Variants in ADAMTSL1 observed in about 807,000 individuals in gnomAD.
ADAMTSL1 encodes the protein ADAMTS like 1.
A neutral mutation model predicts 201.8 loss-of-function variants in ADAMTSL1; 126 were observed. That is an observed-to-expected ratio of 0.62 (90% confidence interval 0.54 to 0.72). ADAMTSL1 has a LOEUF of 0.72. Among genes scored for constraint, ADAMTSL1 ranks in the 30% least tolerant of loss-of-function variants. The probability of loss-of-function intolerance (pLI) is 0.00; values close to 1 mark genes in which losing one functional copy is unlikely to be tolerated. For missense variants in ADAMTSL1, 2,679 were observed against 2,277.8 expected (o/e 1.18, Z -3.59); for synonymous variants, 1,121 against 903.4 (o/e 1.24, Z -4.32).
chr9:18,271,165 G>T (rs1832345907), intron 2 of ADAMTSL1, among the ~76,000 whole-genome samples: 1 of 152,140 alleles, frequency 6.6e-6, no homozygotes, highest in Non-Finnish European at 1.5e-5. Flanking sequence ...AAGGTATTAT[G>T]AAATCAGATT....
intron 1 of ADAMTSL1, among the ~76,000 whole-genome samples, chr9:18,017,348 AG>A (rs1170751084): frequency 6.6e-6 from 1 of 151,944 alleles, no homozygotes; most frequent in Non-Finnish European, 1.5e-5. Flanking sequence ...TAAATCCAGC[AG>A]GGGGAGTATC....
At chr9:18,204,109 A>G (rs998935244) in intron 2 of ADAMTSL1, among the ~76,000 whole-genome samples, 5 of 152,276 alleles carry the variant, frequency 3.3e-5, no homozygotes, top group Admixed American at 6.5e-5. Context: ...ACTGTGGGCT[A>G]GCTGCTCTTT....
At chr9:18,592,088 T>G (rs970546623) in intron 4 of ADAMTSL1, among the ~76,000 whole-genome samples, 1 of 152,210 alleles carries the variant, frequency 6.6e-6, no homozygotes, top group Non-Finnish European at 1.5e-5. Context: ...ATTGATTTGC[T>G]AAGCATACTT....
intron 2 of ADAMTSL1, among the ~76,000 whole-genome samples, chr9:18,419,072 G>C (rs1818822486): frequency 6.6e-6 from 1 of 152,152 alleles, no homozygotes; most frequent in Non-Finnish European, 1.5e-5. Context: ...AAGTTGCGTA[G>C]CAACTCAATT....
chr9:18,603,396 CTA>C (rs1824795867), intron 4 of ADAMTSL1, among the ~76,000 whole-genome samples: 2 of 151,830 alleles, frequency 1.3e-5, no homozygotes, highest in Non-Finnish European at 2.9e-5. Context: ...CTATGCTATG[CTA>C]TGCTATGCTA....
chr9:18,287,243 C>G (rs1334661581), intron 2 of ADAMTSL1, among the ~76,000 whole-genome samples: 1 of 152,068 alleles, frequency 6.6e-6, no homozygotes, highest in Admixed American at 6.6e-5. Context: ...TGTTTTGGCT[C>G]TCATTCCATT....
Position 18,758,770 on chromosome 9 carries a change from G to A in ADAMTSL1, c.2217+5262G>A, listed in dbSNP as rs76898763. On this transcript the variant is annotated intron_variant, in intron 16 of 28. Transcript: ENST00000380548. Reference sequence around the variant, plus strand: ...TATGCACAGGGTAATGTGTTCACAAGTACCGGGGATTGAGATGAAGATATC... The same window carrying A: ...TATGCACAGGGTAATGTGTTCACAAATACCGGGGATTGAGATGAAGATATC... 1.3e-3 allele frequency among the ~76,000 whole-genome samples: 203 copies of A among 152,238 alleles called. 9 individuals are homozygous for A. In the East Asian group the frequency reaches 0.031, roughly 23 times the overall value.
intron 1 of ADAMTSL1, among the ~76,000 whole-genome samples, chr9:18,040,921 A>G (rs1335073915): frequency 6.6e-6 from 1 of 152,228 alleles, no homozygotes; most frequent in African/African-American, 2.4e-5. Context: ...AATTTTAAAT[A>G]AACTCATTTG....
chr9:18,370,286 A>G (rs1836985009), intron 2 of ADAMTSL1, among the ~76,000 whole-genome samples: 1 of 152,048 alleles, frequency 6.6e-6, no homozygotes, highest in African/African-American at 2.4e-5. Context: ...ATCTCAAAAA[A>G]AAAAAAAGAG....
At chr9:18,506,021 T>C (rs1564004013) in intron 2 of ADAMTSL1, among the ~76,000 whole-genome samples, 1 of 152,228 alleles carries the variant, frequency 6.6e-6, no homozygotes, top group African/African-American at 2.4e-5. Context: ...GAGGTCTCAC[T>C]GGAAATGTTA....
intron 1 of ADAMTSL1, among the ~76,000 whole-genome samples, chr9:18,145,710 A>G (rs951507846): frequency 3.9e-5 from 6 of 152,226 alleles, no homozygotes; most frequent in Non-Finnish European, 4.4e-5. Context: ...AGATGTTAAT[A>G]TAATACCAAA....
In ADAMTSL1 at chr9:18,900,293, T is replaced by C. The variant is rs561602434; in HGVS notation, c.4852-5489T>C. ...AGTCAAGAAACAGATGCTGGTGAGGTTGCAGAGAAAAAGGAACACTTTCAC... is the reference window on the plus strand; with the variant it reads ...AGTCAAGAAACAGATGCTGGTGAGGCTGCAGAGAAAAAGGAACACTTTCAC... On this transcript the variant is annotated intron_variant, in intron 26 of 28. Coordinates refer to ENST00000380548, the MANE Select transcript of ADAMTSL1 (RefSeq NM_001040272.6). 6.7e-3 allele frequency among the ~76,000 whole-genome samples: 1,015 copies of C among 152,194 alleles called. 5 individuals carry two copies. Among genetic ancestry groups the C allele is most frequent in the Middle Eastern group, 0.021 (6 of 292 alleles).
chr9:17,952,430 T>G (rs1001410059), intron 1 of ADAMTSL1, among the ~76,000 whole-genome samples: 1 of 152,154 alleles, frequency 6.6e-6, no homozygotes, highest in Non-Finnish European at 1.5e-5. Context: ...GAAAATTTAG[T>G]TATTCCAAGA....
In ADAMTSL1 at chr9:18,777,307, C is replaced by T. The variant is rs756810849; in HGVS notation, c.3078C>T (p.Ser1026=). ...GGAGCCGCTACGACGACCTCGTCTC[C>T]CGGCTGCTGGAGCAGGGCGGCTGGC... The part of the protein sequence containing the change: ...NPGSRYDDLV[S]RLLEQGGWPG... The change falls in exon 19 of 29, where the codon TCC becomes TCT. Residue 1026 remains serine, a synonymous_variant. Coordinates refer to ENST00000380548, the MANE Select transcript of ADAMTSL1 (RefSeq NM_001040272.6). The T allele has an allele frequency of 1.2e-5, 20 of 1,603,788 alleles. No homozygotes were observed. The highest frequency in any genetic ancestry group is 1.5e-5 in the Non-Finnish European group (18 of 1,175,322).
intron 2 of ADAMTSL1, among the ~76,000 whole-genome samples, chr9:18,343,118 G>A (rs190354017): frequency 6.6e-6 from 1 of 151,996 alleles, no homozygotes; most frequent in African/African-American, 2.4e-5. Context: ...TTGAGGCCAG[G>A]AGTTTTAGAC....
At position 18,504,875 on chromosome 9, in the gene ADAMTSL1, A is replaced by C. The variant is rs370239851; in HGVS notation, c.110A>C (p.Asp37Ala). 100 of 1,613,680 alleles carry C rather than the reference A, an allele frequency of 6.2e-5. No homozygotes were observed. The highest frequency in any genetic ancestry group is 8.2e-5 in the Non-Finnish European group (97 of 1,179,934). Residue 37 changes from aspartate to alanine, a missense_variant, in exon 2 of 29, where the codon GAT becomes GCT. Transcript: ENST00000380548. ...RSEEDRDGLW[D>A]AWGPWSECSR... is the part of the protein sequence containing the mutation. ...GAGGAGGACCGGGACGGCCTATGGG[A>C]TGCCTGGGGCCCATGGAGTGAATGC...
chr9:18,748,440 T>C (rs1232574203), intron 15 of ADAMTSL1, among the ~76,000 whole-genome samples: 1 of 152,172 alleles, frequency 6.6e-6, no homozygotes, highest in Non-Finnish European at 1.5e-5. Context: ...AAAAACACCA[T>C]AATCCAACAA....
intron 1 of ADAMTSL1, among the ~76,000 whole-genome samples, chr9:17,967,569 A>G (rs975405947): frequency 6.6e-6 from 1 of 152,044 alleles, no homozygotes; most frequent in Non-Finnish European, 1.5e-5. Flanking sequence ...AGATGACAAA[A>G]AAGAGGCTTA....
chr9:18,208,903 C>T (rs534262712), intron 2 of ADAMTSL1, among the ~76,000 whole-genome samples: 1 of 151,930 alleles, frequency 6.6e-6, no homozygotes, highest in East Asian at 1.9e-4. Flanking sequence ...ACTTGATTAC[C>T]TCATCTATGA....
Sources: allele counts gnomAD v4.1 joint callset (sites outside exome capture counted in the v4.1 genomes callset), GRCh38; gene constraint gnomAD v4.1.1; transcripts MANE v1.5; gene names NCBI Gene and HGNC (gene_info 2026-07-23, HGNC 2026-07-21).